The following MICU1 variants were observed in gnomAD, a reference collection of about 807,000 sequenced individuals.
MICU1 encodes mitochondrial calcium uptake 1, also known as calcium uptake protein 1, mitochondrial.
In MICU1, 45 loss-of-function variants were observed where a neutral mutation model predicts 56.8. The ratio of observed to expected loss-of-function variants is 0.79; its 90% CI spans 0.62 to 1.02. The LOEUF is 1.02. Ranked by LOEUF, MICU1 falls within the 50% of genes least tolerant of loss-of-function variation. The pLI is 0.00. For synonymous variants in MICU1, 186 were observed against 195.1 expected (o/e 0.95, Z 0.39); for missense variants, 504 against 587.1 (o/e 0.86, Z 1.46).
chr10:72,491,637 C>G (rs1424234859), intron 6 of MICU1, among the ~76,000 whole-genome samples: 1 of 152,078 alleles, frequency 6.6e-6, no homozygotes, highest in African/African-American at 2.4e-5. Flanking sequence ...TCACTTCAGG[C>G]CCGGAGTTCG....
intron 1 of MICU1, among the ~76,000 whole-genome samples, chr10:72,569,237 A>ATATATATATATATATTTTT: frequency 2.9e-5 from 1 of 34,392 alleles, no homozygotes; most frequent in Non-Finnish European, 5.1e-5. Context: ...ATATATATAT[A>ATATATATATATATATTTTT]TTTTTTTTTT....
intron 8 of MICU1, 70 bp downstream of exon 8, chr10:72,475,030 C>G: frequency 7.6e-7 from 1 of 1,319,502 alleles, no homozygotes; most frequent in East Asian, 2.5e-5. Context: ...GGAAAGAATG[C>G]CTATAGTACA....
chr10:72,545,845 A>C (rs1839881455), intron 4 of MICU1, among the ~76,000 whole-genome samples: 1 of 152,206 alleles, frequency 6.6e-6, no homozygotes. Context: ...GCAGTAAAAT[A>C]CTTTGATTTC....
intron 11 of MICU1, among the ~76,000 whole-genome samples, chr10:72,372,831 T>G (rs370086315): frequency 6.7e-6 from 1 of 149,454 alleles, no homozygotes; most frequent in African/African-American, 2.5e-5. Flanking sequence ...AACAAGAGCT[T>G]GACCCCAGGA....
At chr10:72,515,075 C>A (rs1867604314) in intron 5 of MICU1, among the ~76,000 whole-genome samples, 1 of 152,204 alleles carries the variant, frequency 6.6e-6, no homozygotes, top group Non-Finnish European at 1.5e-5. Flanking sequence ...TTGATGCCCA[C>A]ATCCAGAGTC....
intron 8 of MICU1, among the ~76,000 whole-genome samples, chr10:72,434,488 C>G (rs1864645562): frequency 1.3e-5 from 2 of 151,960 alleles, no homozygotes; most frequent in Non-Finnish European, 2.9e-5. Flanking sequence ...AGCAGAAGAT[C>G]TTATATCCAA....
chr10:72,495,089 C>T (rs1866793018), intron 6 of MICU1, among the ~76,000 whole-genome samples: 1 of 152,122 alleles, frequency 6.6e-6, no homozygotes, highest in Admixed American at 6.5e-5. Flanking sequence ...GCTTGGATTT[C>T]CCAAGAGTTC....
Position 72,518,538 on chromosome 10 carries a change from G to A in MICU1, c.538-10269C>T, listed in dbSNP as rs73280964. On this transcript the variant is annotated intron_variant, in intron 5 of 11. Coordinates refer to ENST00000361114, the MANE Select transcript of MICU1 (RefSeq NM_001195518.2). ...CAATTCTATTGTAAGGGTATATAAT[G>A]TGAGATTAGGTAATAAATTATCAGT... 8.4e-4 allele frequency among the ~76,000 whole-genome samples: 128 copies of A among 152,208 alleles called. 1 individual carries two copies. The highest frequency in any genetic ancestry group is 3.0e-3 in the African/African-American group (124 of 41,526).
At chr10:72,490,831 G>C (rs895714879) in intron 6 of MICU1, among the ~76,000 whole-genome samples, 1 of 152,286 alleles carries the variant, frequency 6.6e-6, no homozygotes, top group Non-Finnish European at 1.5e-5. Flanking sequence ...AATTTTGTTG[G>C]ATGAAGAACT....
intron 10 of MICU1, among the ~76,000 whole-genome samples, chr10:72,389,128 G>A (rs1862986122): frequency 6.6e-6 from 1 of 152,162 alleles, no homozygotes. Flanking sequence ...CAGTGCTACC[G>A]GATTATTACA....
At chr10:72,431,787 A>G (rs1330210445) in intron 8 of MICU1, among the ~76,000 whole-genome samples, 2 of 152,204 alleles carry the variant, frequency 1.3e-5, no homozygotes, top group Non-Finnish European at 2.9e-5. Context: ...AGTCTGCCAA[A>G]TTAATTTCCA....
chr10:72,407,908 A>T (rs779521026), intron 10 of MICU1, 21 bp downstream of exon 10: 3 of 1,559,300 alleles, frequency 1.9e-6, no homozygotes, highest in Non-Finnish European at 2.6e-6. Flanking sequence ...CTTCAAAAAA[A>T]CACTTTTTGA....
At chr10:72,370,540 C>T (rs778338390) in intron 11 of MICU1, among the ~76,000 whole-genome samples, 11 of 151,992 alleles carry the variant, frequency 7.2e-5, no homozygotes, top group South Asian at 2.1e-4. Flanking sequence ...AACAAAAAAA[C>T]ACTTGGCTTA....
At chr10:72,479,069 T>C (rs559187954) in intron 6 of MICU1, among the ~76,000 whole-genome samples, 1 of 152,348 alleles carries the variant, frequency 6.6e-6, no homozygotes, top group East Asian at 1.9e-4. Context: ...AGCTAGATAA[T>C]TGGAGGTGTT....
chr10:72,424,575 C>T (rs1199960371), intron 8 of MICU1, among the ~76,000 whole-genome samples: 3 of 152,082 alleles, frequency 2.0e-5, no homozygotes, highest in South Asian at 2.1e-4. Flanking sequence ...CCTTGGCCTC[C>T]TAAAGTGCTG....
intron 10 of MICU1, chr10:72,392,029 G>A (rs1327710439): frequency 6.6e-6 from 1 of 152,216 alleles, no homozygotes; most frequent in East Asian, 1.9e-4. Context: ...TGGCCCTTGT[G>A]CAAGGATGAC....
At chr10:72,576,209 C>T (rs1432166600) in intron 1 of MICU1, among the ~76,000 whole-genome samples, 1 of 117,136 alleles carries the variant, frequency 8.5e-6, no homozygotes, top group African/African-American at 3.2e-5. Context: ...AGTCAAACTC[C>T]GTCTCAAAAA....
chr10:72,463,096 C>T (rs537065813), intron 8 of MICU1, among the ~76,000 whole-genome samples: 22 of 150,080 alleles, frequency 1.5e-4, no homozygotes, highest in African/African-American at 5.1e-4. Flanking sequence ...GACGGAGTTT[C>T]GCTCTTGCCC....
intron 8 of MICU1, among the ~76,000 whole-genome samples, chr10:72,439,159 C>T (rs1213496274): frequency 2.6e-5 from 4 of 152,192 alleles, no homozygotes; most frequent in Admixed American, 2.6e-4. Flanking sequence ...CAATAAAATA[C>T]TGGCAAACCA....
Sources: allele counts gnomAD v4.1 joint callset (sites outside exome capture counted in the v4.1 genomes callset), GRCh38; gene constraint gnomAD v4.1.1; transcripts MANE v1.5; gene names NCBI Gene and HGNC (gene_info 2026-07-23, HGNC 2026-07-21).